The following ROCK1 variants were observed in gnomAD, a reference collection of about 807,000 sequenced individuals.
The protein encoded by ROCK1 is rho-associated protein kinase 1.
In ROCK1, 36 loss-of-function variants were observed where a neutral mutation model predicts 196.8. That is an observed-to-expected ratio of 0.18 (90% CI 0.14 to 0.24). ROCK1 has a LOEUF of 0.24. Ranked by LOEUF, ROCK1 falls within the 10% of genes least tolerant of loss-of-function variation. ROCK1 has a pLI of 1.00. For missense variants in ROCK1, 920 were observed against 1,562.0 expected, an observed-to-expected ratio of 0.59 and a Z score of 6.93; for synonymous variants, 443 against 515.9, an observed-to-expected ratio of 0.86 and a Z score of 1.91.
intron 2 of ROCK1, among the ~76,000 whole-genome samples, chr18:21,056,139 T>A (rs140841963): frequency 6.6e-6 from 1 of 151,338 alleles, no homozygotes; most frequent in East Asian, 2.0e-4. Flanking sequence ...GGCTCAGCCC[T>A]CAATGGTGAC....
At chr18:20,988,452 T>C (rs568999952) in intron 18 of ROCK1, among the ~76,000 whole-genome samples, 15 of 152,296 alleles carry the variant, frequency 9.8e-5, no homozygotes, top group Admixed American at 9.2e-4. Flanking sequence ...AGCGTATAGC[T>C]TTCTAACTGA....
At chr18:21,035,073 A>G (rs1446493861) in intron 9 of ROCK1, among the ~76,000 whole-genome samples, 2 of 152,210 alleles carry the variant, frequency 1.3e-5, no homozygotes, top group Admixed American at 6.5e-5. Flanking sequence ...CAAAGCCACA[A>G]TGAGATACCA....
Position 21,111,015 on chromosome 18 carries a change from G to C in ROCK1, c.-105C>G, listed in dbSNP as rs1463302247. ...TCGCAGCCGCGGGGCGGAGGAGCCG[G>C]AACCTCAGGGTCACCAGGTGCGCCC... is the stretch of plus-strand genomic sequence containing the variant. On this transcript the variant is annotated 5_prime_UTR_variant, in exon 1 of 33. Transcript: ENST00000399799. The surrounding 1 kb of genome is among the most constrained non-coding windows in gnomAD (Gnocchi z 4.2). 1.3e-5 allele frequency: 11 copies of C among 871,888 alleles called. No homozygotes were observed. The highest frequency in any genetic ancestry group is 2.5e-5 in the East Asian group (1 of 40,560). 54.0% of individuals were successfully genotyped at this position (871,888 alleles called of 1,614,324 possible). A position where few individuals can be genotyped will look rare whatever the true frequency, so the allele number is the denominator to read the frequency against.
chr18:21,085,807 T>A (rs748568438), intron 1 of ROCK1, among the ~76,000 whole-genome samples: 2 of 152,334 alleles, frequency 1.3e-5, no homozygotes, highest in Non-Finnish European at 2.9e-5. Context: ...CAAGATAGTA[T>A]CAGTAACAAC....
chr18:21,033,854 TAAAAAAAAAA>T lies in ROCK1; in HGVS notation c.1052-4929_1052-4920del, dbSNP rs71269004. Among the ~76,000 whole-genome samples the T allele has an allele frequency of 6.9e-4, 23 of 33,464 alleles. 1 individual carries two copies. Among genetic ancestry groups the T allele is most frequent in the Admixed American group, 3.0e-3 (5 of 1,656 alleles). The allele number at this position is 33,464 out of a possible 152,430, so 22.0% of individuals were successfully genotyped here. On this transcript the variant is annotated intron_variant, in intron 9 of 32. Transcript: ENST00000399799. Reference sequence around the variant, plus strand: ...TAACTCAGTGAAACCCCGTTTCTACTAAAAAAAAAAAAAAAAAAAAAAAAAAAAAATTAGC... The same window carrying T: ...TAACTCAGTGAAACCCCGTTTCTACTAAAAAAAAAAAAAAAAAAAATTAGC...
chr18:21,064,760 A>G (rs925161662), intron 2 of ROCK1, among the ~76,000 whole-genome samples: 2 of 152,166 alleles, frequency 1.3e-5, no homozygotes, highest in African/African-American at 4.8e-5. Flanking sequence ...CTGGTTCATA[A>G]AACTTTATAA....
At chr18:21,022,103 C>T (rs1256693586) in intron 11 of ROCK1, among the ~76,000 whole-genome samples, 1 of 150,820 alleles carries the variant, frequency 6.6e-6, no homozygotes, top group Non-Finnish European at 1.5e-5. Flanking sequence ...ATGGCTGCTA[C>T]CTCTTCCTCT....
chr18:20,992,474 G>A (rs748519302), intron 17 of ROCK1, among the ~76,000 whole-genome samples: 21 of 152,064 alleles, frequency 1.4e-4, no homozygotes, highest in Non-Finnish European at 2.8e-4. Context: ...CATCTACCAC[G>A]TACTGATCTG....
At chr18:20,980,535 A>G (rs1349017264) in intron 21 of ROCK1, among the ~76,000 whole-genome samples, 1 of 152,226 alleles carries the variant, frequency 6.6e-6, no homozygotes, top group Non-Finnish European at 1.5e-5. Flanking sequence ...AATGTTCCAC[A>G]TGTTGACTGT....
intron 10 of ROCK1, 47 bp downstream of exon 10, chr18:21,028,729 G>C: frequency 6.7e-7 from 1 of 1,487,930 alleles, no homozygotes; most frequent in Non-Finnish European, 9.0e-7. Flanking sequence ...ATATTTCTAA[G>C]AACAAAATCA....
chr18:21,106,516 A>G (rs2036704636), intron 1 of ROCK1, among the ~76,000 whole-genome samples: 1 of 152,204 alleles, frequency 6.6e-6, no homozygotes, highest in Non-Finnish European at 1.5e-5. Context: ...AAATAGACTT[A>G]ACTAAACTCC....
At position 20,984,344 on chromosome 18, in the gene ROCK1, G is replaced by T. The variant is rs370146093; in HGVS notation, c.2489+7C>A. The T allele has an allele frequency of 5.1e-6, 8 of 1,580,524 alleles. No individual in the cohort carries two copies. The African/African-American group carries it at 1.1e-4, about 22-fold the overall frequency. ...AAAGAAATCACAATGTTATTTTAAA[G>T]ACTTACTTCGTAAGCTGAGCTAACT... On this transcript the variant is annotated splice_region_variant and intron_variant, in intron 20 of 32. Coordinates refer to ENST00000399799, the MANE Select transcript of ROCK1 (RefSeq NM_005406.3).
At chr18:21,109,255 T>C (rs45567836) in intron 1 of ROCK1, among the ~76,000 whole-genome samples, 2,058 of 152,130 alleles carry the variant, frequency 0.014, 17 homozygotes, top group Non-Finnish European at 0.022. Flanking sequence ...AGGGAAAGAG[T>C]CATGACTTAT....
At chr18:21,105,365 C>T (rs1372826345) in intron 1 of ROCK1, among the ~76,000 whole-genome samples, 9 of 152,072 alleles carry the variant, frequency 5.9e-5, no homozygotes, top group African/African-American at 2.2e-4. Flanking sequence ...AAAGTCTGGT[C>T]CAAACTAACC....
chr18:20,959,061 A>ATAT (rs2035286622), intron 29 of ROCK1, among the ~76,000 whole-genome samples: 1 of 55,000 alleles, frequency 1.8e-5, no homozygotes, highest in Non-Finnish European at 2.8e-5. Context: ...TATATATTAT[A>ATAT]TTTTATATTA....
At chr18:21,072,184 A>T (rs1307442828) in intron 1 of ROCK1, among the ~76,000 whole-genome samples, 4 of 152,208 alleles carry the variant, frequency 2.6e-5, no homozygotes, top group African/African-American at 9.6e-5. Context: ...GTATTTGATC[A>T]TGTGTTTGTT....
chr18:21,005,793 CT>C (rs774665681), intron 16 of ROCK1, among the ~76,000 whole-genome samples: 6 of 152,144 alleles, frequency 3.9e-5, no homozygotes, highest in Non-Finnish European at 5.9e-5. Context: ...GGGAGAATTG[CT>C]TGACCTCAGG....
In ROCK1 at chr18:21,020,234, T is replaced by C. The variant is rs1465183972; in HGVS notation, c.1278A>G (p.Glu426=). 1 of 1,569,022 alleles carries C rather than the reference T, an allele frequency of 6.4e-7. No homozygotes were observed. Among genetic ancestry groups the C allele is most frequent in the South Asian group, 1.2e-5 (1 of 84,144 alleles). ...TSSNADKSLQ[E]SLQKTIYKLE... is the part of the protein sequence containing the mutation. Reference sequence around the variant, plus strand: ...GCTTATAGATTGTTTTTTGCAAACTTTCCTGCTTTAATTTAAAACAAAAAC... The same window carrying C: ...GCTTATAGATTGTTTTTTGCAAACTCTCCTGCTTTAATTTAAAACAAAAAC... Residue 426 remains glutamate, a synonymous_variant, in exon 12 of 33, where the codon GAA becomes GAG. Coordinates refer to ENST00000399799, the MANE Select transcript of ROCK1 (RefSeq NM_005406.3).
intron 29 of ROCK1, among the ~76,000 whole-genome samples, chr18:20,957,438 A>G (rs1007412047): frequency 2.6e-5 from 4 of 152,246 alleles, no homozygotes; most frequent in African/African-American, 9.6e-5. Context: ...TAATCTTGGC[A>G]ATAGAAATCA....
Sources: gnomAD v4.1 joint callset for allele counts (sites outside exome capture counted in the v4.1 genomes callset) on GRCh38, gnomAD v4.1.1 for gene constraint, Gnocchi (gnomAD v3.1) non-coding constraint, MANE v1.5 for transcripts, NCBI Gene and HGNC (gene_info 2026-07-23, HGNC 2026-07-21) for gene names.